Variants in RSF1 observed in about 807,000 individuals in gnomAD.
RSF1 encodes the protein remodeling and spacing factor 1, also known as HBV pX-associated protein 8.
Under a neutral mutation model 145.2 loss-of-function variants are expected in RSF1, and 13 were observed. That is an observed-to-expected ratio of 0.09 (90% CI 0.06 to 0.14). RSF1 has a LOEUF of 0.14. Among genes scored for constraint, RSF1 ranks in the 10% least tolerant of loss-of-function variants. RSF1 has a pLI of 1.00. For synonymous variants in RSF1, 577 were observed against 592.6 expected (o/e 0.97, Z 0.38); for missense variants, 1,517 against 1,718.2 (o/e 0.88, Z 2.07).
chr11:77,850,133 TGA>T, the RSF1 span, among the ~76,000 whole-genome samples: 1 of 152,208 alleles, frequency 6.6e-6, no homozygotes, highest in Non-Finnish European at 1.5e-5. Context: ...ACATTCCCTC[TGA>T]GATAGGTTAA....
At chr11:77,864,707 A>G in the RSF1 span, among the ~76,000 whole-genome samples, 4 of 152,196 alleles carry the variant, frequency 2.6e-5, no homozygotes, top group Non-Finnish European at 4.4e-5. Context: ...TGCCAGGCAC[A>G]GTGGCTCACA....
chr11:77,775,064 C>T (rs1165848138), intron 1 of RSF1, among the ~76,000 whole-genome samples: 2 of 151,596 alleles, frequency 1.3e-5, no homozygotes, highest in African/African-American at 2.4e-5. Context: ...TGCGCCCGGC[C>T]GTGAAACCCT....
upstream of RSF1, chr11:77,821,133 T>G (rs1948875652): frequency 7.3e-6 from 3 of 408,416 alleles, no homozygotes; most frequent in Middle Eastern, 1.9e-3. Context: ...CAGGGCGTAT[T>G]CCCGGAGGGC....
intron 1 of RSF1, among the ~76,000 whole-genome samples, chr11:77,819,662 C>A (rs1948824752): frequency 6.6e-6 from 1 of 152,202 alleles, no homozygotes; most frequent in Admixed American, 6.5e-5. Context: ...AACCACCCCA[C>A]CCTACCGTGC....
rs1959312368 is a variant in RSF1 at position 77,664,451 on chromosome 11, T to C, written c.*2466A>G. 6.6e-6 allele frequency: 1 copy of C among 152,208 alleles called. No individual in the cohort carries two copies. Among genetic ancestry groups the C allele is most frequent in the Non-Finnish European group, 1.5e-5 (1 of 68,026 alleles). The allele number at this position is 152,208 out of a possible 1,614,324, so 9.4% of individuals were successfully genotyped here. On this transcript the variant is annotated 3_prime_UTR_variant, in exon 16 of 16. Coordinates refer to ENST00000308488, the MANE Select transcript of RSF1 (RefSeq NM_016578.4). The stretch of plus-strand genomic sequence containing the variant: ...AGATGGTAAGAATTACCTTAGGCTT[T>C]CTATAGTAGAAGAGTAAAAATAACT...
chr11:77,694,803 G>A (rs772143109), intron 7 of RSF1, among the ~76,000 whole-genome samples: 7 of 152,170 alleles, frequency 4.6e-5, no homozygotes, highest in Non-Finnish European at 8.8e-5. Flanking sequence ...TCCCCAGTAC[G>A]TAACCGTTTC....
chr11:77,713,036 G>A (rs1400002236), intron 5 of RSF1, among the ~76,000 whole-genome samples: 1 of 152,144 alleles, frequency 6.6e-6, no homozygotes, highest in Admixed American at 6.5e-5. Context: ...TCTTACAGGA[G>A]AATGACATTT....
intron 2 of RSF1, among the ~76,000 whole-genome samples, chr11:77,760,136 T>C (rs1419304404): frequency 6.6e-6 from 1 of 152,162 alleles, no homozygotes; most frequent in Non-Finnish European, 1.5e-5. Flanking sequence ...CAAATGTCCA[T>C]AGCAGCATTA....
At chr11:77,700,237 G>C (rs1395286227) in intron 6 of RSF1, among the ~76,000 whole-genome samples, 1 of 149,746 alleles carries the variant, frequency 6.7e-6, no homozygotes, top group East Asian at 2.0e-4. Flanking sequence ...TGTAGTCCCA[G>C]CTACTTGGGA....
chr11:77,870,973 T>A, the RSF1 span, among the ~76,000 whole-genome samples: 1 of 152,184 alleles, frequency 6.6e-6, no homozygotes, highest in African/African-American at 2.4e-5. Flanking sequence ...TCCTGTTCCT[T>A]ACTGATGAAG....
intron 1 of RSF1, among the ~76,000 whole-genome samples, chr11:77,782,228 C>G (rs1178831584): frequency 1.3e-5 from 2 of 151,708 alleles, no homozygotes; most frequent in African/African-American, 4.9e-5. Context: ...AGGTTTAGAA[C>G]AAGGATTAGG....
At position 77,660,843 on chromosome 11, in the gene RSF1, C is replaced by A. The variant is rs1959224876; in HGVS notation, c.*6074G>T. 6.6e-6 allele frequency: 1 copy of A among 152,100 alleles called. No homozygotes were observed. The highest frequency in any genetic ancestry group is 1.5e-5 in the Non-Finnish European group (1 of 68,008). The allele number at this position is 152,100 out of a possible 1,614,324, so 9.4% of individuals were successfully genotyped here. On this transcript the variant is annotated 3_prime_UTR_variant, in exon 16 of 16. Coordinates refer to ENST00000308488, the MANE Select transcript of RSF1 (RefSeq NM_016578.4). The stretch of plus-strand genomic sequence containing the variant: ...TATAGCTTTGATTGAAATTATGACA[C>A]ACTTAGATGAATTTAATTATTTTCA...
rs1171027540 is a variant in RSF1, at chr11:77,709,306, A to G, written c.734-6811T>C. Reference sequence around the variant, plus strand: ...ACCATCTATACTATATATTTTATTTACTAATCTTGTTTATTGTTTGATAAT... The same window carrying G: ...ACCATCTATACTATATATTTTATTTGCTAATCTTGTTTATTGTTTGATAAT... On this transcript the variant is annotated intron_variant, in intron 5 of 15. Coordinates refer to ENST00000308488, the MANE Select transcript of RSF1 (RefSeq NM_016578.4). 5.9e-5 allele frequency among the ~76,000 whole-genome samples: 9 copies of G among 152,168 alleles called. 1 individual carries two copies. The highest frequency in any genetic ancestry group is 1.2e-4 in the Non-Finnish European group (8 of 68,024).
upstream of RSF1, among the ~76,000 whole-genome samples, chr11:77,822,588 AGG>A (rs1369306075): frequency 6.6e-6 from 1 of 152,166 alleles, no homozygotes; most frequent in Non-Finnish European, 1.5e-5. Context: ...GGTTTTAAAA[AGG>A]GGAAAAACCA....
chr11:77,842,501 C>T, the RSF1 span: 1 of 1,613,682 alleles, frequency 6.2e-7, no homozygotes, highest in South Asian at 1.1e-5. Flanking sequence ...TTCCTTATGA[C>T]TTCCCCTGAA....
chr11:77,751,985 T>TGTGG (rs1948067908), intron 2 of RSF1, among the ~76,000 whole-genome samples: 1 of 152,136 alleles, frequency 6.6e-6, no homozygotes, highest in African/African-American at 2.4e-5. Context: ...ACTCCACAAA[T>TGTGG]ATTACTATGT....
chr11:77,699,640 T>G (rs1343103197), intron 6 of RSF1, among the ~76,000 whole-genome samples: 1 of 152,200 alleles, frequency 6.6e-6, no homozygotes, highest in African/African-American at 2.4e-5. Context: ...AAACAGGCAC[T>G]GTCATACACT....
intron 1 of RSF1, among the ~76,000 whole-genome samples, chr11:77,799,338 T>A (rs752586805): frequency 1.3e-5 from 2 of 151,732 alleles, no homozygotes; most frequent in Non-Finnish European, 2.9e-5. Flanking sequence ...CAAAACTCCA[T>A]CTCTATAAAA....
chr11:77,671,139 ATATATAT>A (rs1318328039), intron 15 of RSF1, among the ~76,000 whole-genome samples: 2 of 7,248 alleles, frequency 2.8e-4, no homozygotes, highest in African/African-American at 1.1e-3. Flanking sequence ...AAAAAAAAAA[ATATATAT>A]ATATATATAT....
Sources: gnomAD v4.1 joint callset for allele counts (sites outside exome capture counted in the v4.1 genomes callset) on GRCh38, gnomAD v4.1.1 for gene constraint, MANE v1.5 for transcripts, NCBI Gene and HGNC (gene_info 2026-07-23, HGNC 2026-07-21) for gene names.